Variants in IQGAP2 observed in about 807,000 individuals in gnomAD.
IQGAP2 encodes ras GTPase-activating-like protein IQGAP2.
In IQGAP2, 173 loss-of-function variants were observed where a neutral mutation model predicts 201.3. The observed-to-expected ratio is 0.86, with a 90% CI of 0.76 to 0.98. The LOEUF (loss-of-function observed/expected upper bound fraction) is 0.98. Among genes scored for constraint, IQGAP2 ranks in the 50% least tolerant of loss-of-function variants. The probability of loss-of-function intolerance (pLI) is 0.00; values close to 1 mark genes in which losing one functional copy is unlikely to be tolerated. For synonymous variants in IQGAP2, 675 were observed against 673.9 expected (o/e 1.00, Z -0.03); for missense variants, 1,687 against 1,864.8 (o/e 0.90, Z 1.76).
At chr5:76,513,669 CAG>C (rs372761714) in intron 2 of IQGAP2, among the ~76,000 whole-genome samples, 508 of 152,188 alleles carry the variant, frequency 3.3e-3, no homozygotes, top group African/African-American at 0.012. Context: ...GGCAAAACTA[CAG>C]AGAGTAAAAG....
chr5:76,606,208 T>G lies in IQGAP2; in HGVS notation c.1262T>G (p.Leu421Arg). ...RYANTLLSVK[L>R]EVLSQGQDNL... is the part of the protein sequence containing the mutation. The stretch of plus-strand genomic sequence containing the variant: ...GCAAACACACTACTCTCTGTTAAAC[T>G]AGAAGTTTTATCCCAAGGGCAAGAT... The change falls in exon 12 of 36, where the codon CTA becomes CGA. Residue 421 changes from leucine to arginine, a missense_variant. Transcript: ENST00000274364. The G allele has an allele frequency of 6.2e-7, 1 of 1,605,870 alleles. No individual in the cohort carries two copies. Among genetic ancestry groups the G allele is most frequent in the Non-Finnish European group, 8.5e-7 (1 of 1,174,934 alleles).
chr5:76,407,220 G>C (rs908578614), intron 1 of IQGAP2, among the ~76,000 whole-genome samples: 1 of 152,032 alleles, frequency 6.6e-6, no homozygotes, highest in African/African-American at 2.4e-5. Flanking sequence ...TCCCTCCTCA[G>C]CTTCCCAAAG....
intron 10 of IQGAP2, 90 bp from the exon 11 acceptor site, chr5:76,600,719 TTTG>T (rs760054727): frequency 4.8e-6 from 7 of 1,456,800 alleles, no homozygotes; most frequent in Non-Finnish European, 6.6e-6. Context: ...TCTTTGACTT[TTTG>T]TTGTTTGTTG....
chr5:76,491,983 C>CT (rs550694157), intron 2 of IQGAP2, among the ~76,000 whole-genome samples: 6 of 151,530 alleles, frequency 4.0e-5, no homozygotes, highest in Non-Finnish European at 7.4e-5. Flanking sequence ...CCCAGTCCAC[C>CT]TTTTTTTTTG....
chr5:76,627,352 A>T, intron 13 of IQGAP2, 58 bp from the exon 14 acceptor site: 2 of 1,113,020 alleles, frequency 1.8e-6, no homozygotes, highest in Non-Finnish European at 2.8e-6. Context: ...AGCAGTTATT[A>T]ATTCTGTTTC....
chr5:76,569,893 A>C (rs754021765), intron 3 of IQGAP2, among the ~76,000 whole-genome samples: 5 of 152,310 alleles, frequency 3.3e-5, no homozygotes, highest in Non-Finnish European at 7.4e-5. Flanking sequence ...GTGCAGAAGG[A>C]ATGACTATCT....
At chr5:76,452,458 G>A (rs1165695066) in intron 1 of IQGAP2, among the ~76,000 whole-genome samples, 2 of 152,030 alleles carry the variant, frequency 1.3e-5, no homozygotes, top group African/African-American at 4.8e-5. Flanking sequence ...CATTCCTCAT[G>A]TGATCTAATT....
chr5:76,512,451 T>A (rs1220068345), intron 2 of IQGAP2, among the ~76,000 whole-genome samples: 1 of 152,232 alleles, frequency 6.6e-6, no homozygotes, highest in East Asian at 1.9e-4. Context: ...TTTGATTCCA[T>A]GAAATCAAAA....
At chr5:76,463,809 A>T (rs1335781422) in intron 2 of IQGAP2, among the ~76,000 whole-genome samples, 1 of 151,812 alleles carries the variant, frequency 6.6e-6, no homozygotes, top group African/African-American at 2.4e-5. Context: ...ATATTTATGA[A>T]TCTTTTATTA....
chr5:76,702,651 A>G, intron 35 of IQGAP2, 61 bp downstream of exon 35: 1 of 770,258 alleles, frequency 1.3e-6, no homozygotes, highest in South Asian at 1.6e-5. Flanking sequence ...ATACATTGCT[A>G]CCCTGGCTCT....
chr5:76,658,744 A>G (rs1580745008), intron 21 of IQGAP2, 77 bp downstream of exon 21: 7 of 1,149,752 alleles, frequency 6.1e-6, no homozygotes, highest in Non-Finnish European at 6.2e-6. Context: ...ACTTAATGAC[A>G]GGGATACATT....
chr5:76,438,008 G>GTTTTTTTTTTTTTT (rs768892670), intron 1 of IQGAP2, among the ~76,000 whole-genome samples: 2 of 91,058 alleles, frequency 2.2e-5, no homozygotes, highest in East Asian at 4.4e-4. Flanking sequence ...TTGGTCTGTA[G>GTTTTTTTTTTTTTT]TTTTTTTTTT....
At chr5:76,506,501 AAC>A (rs1207880818) in intron 2 of IQGAP2, among the ~76,000 whole-genome samples, 28 of 152,352 alleles carry the variant, frequency 1.8e-4, no homozygotes, top group African/African-American at 5.5e-4. Flanking sequence ...GATTTGACAT[AAC>A]AGTTAAGACA....
intron 2 of IQGAP2, among the ~76,000 whole-genome samples, chr5:76,535,556 A>T (rs1759573059): frequency 6.6e-6 from 1 of 152,166 alleles, no homozygotes; most frequent in Non-Finnish European, 1.5e-5. Context: ...CGAACATGGG[A>T]CCCTGTGTGA....
intron 2 of IQGAP2, among the ~76,000 whole-genome samples, chr5:76,537,265 G>A (rs1759678775): frequency 1.3e-5 from 2 of 152,192 alleles, no homozygotes; most frequent in African/African-American, 4.8e-5. Context: ...AAAAGGTTAG[G>A]TTAATAAAGG....
At chr5:76,497,559 A>G (rs912847405) in intron 2 of IQGAP2, among the ~76,000 whole-genome samples, 2 of 152,202 alleles carry the variant, frequency 1.3e-5, no homozygotes, top group Non-Finnish European at 2.9e-5. Context: ...GAAAAAAGCC[A>G]TTTTTGGATT....
chr5:76,504,950 G>A (rs1448029529), intron 2 of IQGAP2, among the ~76,000 whole-genome samples: 2 of 152,176 alleles, frequency 1.3e-5, no homozygotes, highest in South Asian at 2.1e-4. Flanking sequence ...CCCCTTAGAG[G>A]CCTTACACCA....
At chr5:76,677,439 T>C in intron 28 of IQGAP2, 89 bp downstream of exon 28, 1 of 1,196,014 alleles carries the variant, frequency 8.4e-7, no homozygotes, top group Non-Finnish European at 1.2e-6. Flanking sequence ...CAGGACTTAT[T>C]GTACACATGT....
chr5:76,485,710 A>G (rs1756086604), intron 2 of IQGAP2, among the ~76,000 whole-genome samples: 1 of 152,130 alleles, frequency 6.6e-6, no homozygotes, highest in Non-Finnish European at 1.5e-5. Context: ...ACTTGGACAG[A>G]TCCTGAGTGT....
Sources: gnomAD v4.1 joint callset for allele counts (sites outside exome capture counted in the v4.1 genomes callset) on GRCh38, gnomAD v4.1.1 for gene constraint, MANE v1.5 for transcripts, NCBI Gene and HGNC (gene_info 2026-07-23, HGNC 2026-07-21) for gene names.